Variants in GABBR2 observed in about 807,000 individuals in gnomAD.
The protein encoded by GABBR2 is G-protein coupled receptor 51.
Under a neutral mutation model 105.6 loss-of-function variants are expected in GABBR2, and 23 were observed. The ratio of observed to expected loss-of-function variants is 0.22; its 90% CI spans 0.16 to 0.31. The LOEUF is 0.31. GABBR2 is among the 10% of genes least tolerant of loss of function. The pLI, the probability that GABBR2 is intolerant of heterozygous loss-of-function variation, is 1.00. For synonymous variants in GABBR2, 478 were observed against 499.7 expected, an observed-to-expected ratio of 0.96 and a Z score of 0.58; for missense variants, 734 against 1,245.5, an observed-to-expected ratio of 0.59 and a Z score of 6.18.
At chr9:98,370,365 G>A (rs986057071) in intron 12 of GABBR2, among the ~76,000 whole-genome samples, 8 of 152,256 alleles carry the variant, frequency 5.3e-5, no homozygotes, top group Admixed American at 2.6e-4. Context: ...TCAGAAAAGC[G>A]CCCCAGGAGT....
chr9:98,425,061 T>A (rs1426732448), intron 7 of GABBR2, among the ~76,000 whole-genome samples: 1 of 151,886 alleles, frequency 6.6e-6, no homozygotes, highest in Non-Finnish European at 1.5e-5. Context: ...GCACACTGCT[T>A]AATGAAAAGG....
intron 1 of GABBR2, among the ~76,000 whole-genome samples, chr9:98,627,734 C>T (rs1330085661): frequency 6.6e-6 from 1 of 152,250 alleles, no homozygotes; most frequent in Non-Finnish European, 1.5e-5. Context: ...TCCTCGGTGT[C>T]TGTCCCCCAA....
chr9:98,456,458 A>T (rs1051978394), intron 6 of GABBR2, among the ~76,000 whole-genome samples: 1 of 151,886 alleles, frequency 6.6e-6, no homozygotes, highest in Non-Finnish European at 1.5e-5. Flanking sequence ...TTTCCTCCTT[A>T]TGTGTTTACT....
At chr9:98,316,097 A>G (rs886753088) in intron 13 of GABBR2, among the ~76,000 whole-genome samples, 1 of 151,554 alleles carries the variant, frequency 6.6e-6, no homozygotes, top group Non-Finnish European at 1.5e-5. Context: ...CAGCATTTGC[A>G]TTGCCCTTAG....
intron 13 of GABBR2, among the ~76,000 whole-genome samples, chr9:98,330,326 A>G (rs574472046): frequency 6.6e-6 from 1 of 151,642 alleles, no homozygotes; most frequent in East Asian, 1.9e-4. Flanking sequence ...AAATGCATGC[A>G]TCTTTCTTTT....
chr9:98,325,979 T>C (rs948806490), intron 13 of GABBR2, among the ~76,000 whole-genome samples: 17 of 152,332 alleles, frequency 1.1e-4, no homozygotes, highest in African/African-American at 3.4e-4. Flanking sequence ...AATACTCTAG[T>C]GACCTCCTTG....
At chr9:98,597,293 A>T (rs1829252350) in intron 1 of GABBR2, among the ~76,000 whole-genome samples, 1 of 152,204 alleles carries the variant, frequency 6.6e-6, no homozygotes, top group South Asian at 2.1e-4. Flanking sequence ...GAACTTTGTG[A>T]TCACAAACAA....
At chr9:98,481,041 C>T (rs1403111568) in intron 4 of GABBR2, 44 bp from the exon 5 acceptor site, 1 of 1,210,432 alleles carries the variant, frequency 8.3e-7, no homozygotes, top group Middle Eastern at 1.9e-4. Context: ...AGATGTTCAG[C>T]ACCCCATAAA....
intron 8 of GABBR2, among the ~76,000 whole-genome samples, chr9:98,398,391 G>A (rs999372073): frequency 6.6e-6 from 1 of 151,906 alleles, no homozygotes; most frequent in Non-Finnish European, 1.5e-5. Flanking sequence ...AGCTGGTGCT[G>A]GCTTTGCGGT....
At chr9:98,406,787 A>G (rs1326438864) in intron 7 of GABBR2, among the ~76,000 whole-genome samples, 3 of 152,174 alleles carry the variant, frequency 2.0e-5, no homozygotes, top group African/African-American at 4.8e-5. Context: ...ACATAGCGTT[A>G]TCTCCTGCAT....
chr9:98,611,023 G>A (rs960561306), intron 1 of GABBR2, among the ~76,000 whole-genome samples: 1 of 152,062 alleles, frequency 6.6e-6, no homozygotes, highest in Non-Finnish European at 1.5e-5. Flanking sequence ...AAAACAAGGT[G>A]CCTCCTTGAC....
At chr9:98,669,886 C>T (rs569703329) in intron 1 of GABBR2, among the ~76,000 whole-genome samples, 1 of 151,856 alleles carries the variant, frequency 6.6e-6, no homozygotes, top group Non-Finnish European at 1.5e-5. Context: ...TCAGGAAAGG[C>T]CTCCTTGAGA....
chr9:98,592,357 A>G (rs1829158952), intron 1 of GABBR2, among the ~76,000 whole-genome samples: 1 of 152,198 alleles, frequency 6.6e-6, no homozygotes, highest in African/African-American at 2.4e-5. Context: ...TCCAGCTAAC[A>G]TTTATTTAAT....
chr9:98,575,898 C>T (rs1426752820), intron 2 of GABBR2, among the ~76,000 whole-genome samples: 2 of 152,206 alleles, frequency 1.3e-5, no homozygotes, highest in Non-Finnish European at 2.9e-5. Flanking sequence ...TCCCACCTCC[C>T]GCTTTTGCAC....
chr9:98,551,699 C>T (rs1164840888), intron 2 of GABBR2, among the ~76,000 whole-genome samples: 2 of 152,156 alleles, frequency 1.3e-5, no homozygotes, highest in Non-Finnish European at 2.9e-5. Context: ...GCATACTGAA[C>T]CATGAGTCAC....
intron 8 of GABBR2, among the ~76,000 whole-genome samples, chr9:98,395,186 A>G (rs754542563): frequency 1.3e-5 from 2 of 152,212 alleles, no homozygotes; most frequent in Non-Finnish European, 2.9e-5. Flanking sequence ...AGGTAAAATC[A>G]GGACAACTGA....
At chr9:98,438,178 TCCA>T (rs1188561982) in intron 7 of GABBR2, among the ~76,000 whole-genome samples, 8 of 44,672 alleles carry the variant, frequency 1.8e-4, no homozygotes, top group Non-Finnish European at 3.5e-4. Context: ...TACCTATCCA[TCCA>T]TCCATCCATC....
chr9:98,575,598 T>C (rs1243318826), intron 2 of GABBR2, among the ~76,000 whole-genome samples: 2 of 152,078 alleles, frequency 1.3e-5, no homozygotes, highest in Admixed American at 6.6e-5. Flanking sequence ...CTCTAACTAA[T>C]AGAGAATGTG....
intron 2 of GABBR2, among the ~76,000 whole-genome samples, chr9:98,573,309 G>A (rs1162368629): frequency 6.6e-6 from 1 of 152,176 alleles, no homozygotes; most frequent in Non-Finnish European, 1.5e-5. Flanking sequence ...TAGAGGCAGG[G>A]TATCGCTTTT....
Sources: gnomAD v4.1 joint callset for allele counts (sites outside exome capture counted in the v4.1 genomes callset) on GRCh38, gnomAD v4.1.1 for gene constraint, MANE v1.5 for transcripts, NCBI Gene and HGNC (gene_info 2026-07-23, HGNC 2026-07-21) for gene names.